Variants in PKD1L1 observed in about 807,000 individuals in gnomAD.
The protein encoded by PKD1L1 is polycystin-1-like protein 1.
A neutral mutation model predicts 323.4 loss-of-function variants in PKD1L1; 236 were observed. The observed-to-expected ratio is 0.73, with a 90% CI of 0.66 to 0.81. PKD1L1 has a LOEUF of 0.81. PKD1L1 is among the 40% of genes least tolerant of loss of function. The pLI is 0.00. For missense variants in PKD1L1, 3,320 were observed against 3,508.0 expected (o/e 0.95, Z 1.35); for synonymous variants, 1,344 against 1,335.0 (o/e 1.01, Z -0.15).
chr7:47,939,268 T>C (rs938663877), intron 3 of PKD1L1, among the ~76,000 whole-genome samples: 3 of 152,164 alleles, frequency 2.0e-5, no homozygotes, highest in African/African-American at 4.8e-5. Context: ...TAAACTCAGA[T>C]GGATGTGCTA....
At position 47,863,722 on chromosome 7, in the gene PKD1L1, T is replaced by A. The variant is rs967668090; in HGVS notation, c.4149+1494A>T. ...GATGGAGATGGAAGCCAAAGTTTGA[T>A]GGTCTAAAATGCACGAGAAGCCAGG... is the stretch of plus-strand genomic sequence containing the variant. On this transcript the variant is annotated intron_variant, in intron 26 of 56. Coordinates refer to ENST00000289672, the MANE Select transcript of PKD1L1 (RefSeq NM_138295.5). Among the ~76,000 whole-genome samples, 2 of 151,708 alleles carry A rather than the reference T, an allele frequency of 1.3e-5. 1 individual carries two copies. Among genetic ancestry groups the A allele is most frequent in the South Asian group, 4.2e-4 (2 of 4,802 alleles).
chr7:47,791,186 G>A (rs372198027), intron 56 of PKD1L1, among the ~76,000 whole-genome samples: 14 of 151,790 alleles, frequency 9.2e-5, no homozygotes, highest in African/African-American at 3.4e-4. Flanking sequence ...CTTTTTTAGG[G>A]GAGACACTAA....
At chr7:47,782,685 T>C (rs2128721639) in intron 56 of PKD1L1, among the ~76,000 whole-genome samples, 1 of 152,334 alleles carries the variant, frequency 6.6e-6, no homozygotes, top group Non-Finnish European at 1.5e-5. Context: ...ACTTGGACCC[T>C]CTGTCTTCCC....
chr7:47,810,800 A>G (rs1290010312), intron 50 of PKD1L1, among the ~76,000 whole-genome samples: 2 of 152,230 alleles, frequency 1.3e-5, no homozygotes, highest in African/African-American at 4.8e-5. Flanking sequence ...ATGTGGACAT[A>G]TTCCATCTCA....
intron 56 of PKD1L1, among the ~76,000 whole-genome samples, chr7:47,792,221 T>C (rs1786966107): frequency 6.6e-6 from 1 of 152,210 alleles, no homozygotes; most frequent in Admixed American, 6.5e-5. Flanking sequence ...CTCTTGGAAA[T>C]GGTAGCATCC....
chr7:47,827,288 G>A lies in PKD1L1; in HGVS notation c.6854+62C>T, dbSNP rs147448407. 2,194 of 1,375,596 alleles carry A rather than the reference G, an allele frequency of 1.6e-3. 36 individuals carry two copies. In the African/African-American group the frequency reaches 0.028, roughly 18 times the overall value. The allele number at this position is 1,375,596 out of a possible 1,614,324, so 85.2% of individuals were successfully genotyped here. ...TCCCAGGAGGACCAGCGGCAGTGGGGTACTCCCTCCGAGAAGGGAGCTGGA... is the reference window on the plus strand; with the variant it reads ...TCCCAGGAGGACCAGCGGCAGTGGGATACTCCCTCCGAGAAGGGAGCTGGA... On this transcript the variant is annotated intron_variant, in intron 45 of 56. Transcript: ENST00000289672.
At chr7:47,823,114 A>G (rs1235667347) in intron 45 of PKD1L1, among the ~76,000 whole-genome samples, 1 of 152,148 alleles carries the variant, frequency 6.6e-6, no homozygotes, top group East Asian at 1.9e-4. Context: ...AATAGGTGTG[A>G]TCGGAGAGGA....
chr7:47,812,261 C>A (rs901306447), intron 49 of PKD1L1, among the ~76,000 whole-genome samples: 1 of 152,110 alleles, frequency 6.6e-6, no homozygotes, highest in South Asian at 2.1e-4. Context: ...CTTGCCCCAC[C>A]CTCTTCCCTG....
At chr7:47,783,952 C>A (rs150729485) in intron 56 of PKD1L1, among the ~76,000 whole-genome samples, 1 of 152,166 alleles carries the variant, frequency 6.6e-6, no homozygotes, top group South Asian at 2.1e-4. Flanking sequence ...CTTGAGAATT[C>A]AACTTTCTTG....
At chr7:47,887,356 C>T (rs1442539527) in intron 17 of PKD1L1, among the ~76,000 whole-genome samples, 2 of 152,224 alleles carry the variant, frequency 1.3e-5, no homozygotes, top group Non-Finnish European at 2.9e-5. Flanking sequence ...TCAGAGCCAC[C>T]TCTCTGATCA....
intron 56 of PKD1L1, among the ~76,000 whole-genome samples, chr7:47,785,810 C>T (rs907616279): frequency 1.3e-4 from 19 of 150,738 alleles, no homozygotes; most frequent in African/African-American, 3.4e-4. Flanking sequence ...GGTGCAATCT[C>T]GGCTCACTGC....
rs1787879675 is a variant in PKD1L1, at chr7:47,936,964, AG to A, written c.286-7del. The stretch of plus-strand genomic sequence containing the variant: ...CTAGTTGTTTTCCAAATGTTCTGTA[AG>A]AAAAAATAATAAAATAATGTGAGAG... On this transcript the variant is annotated splice_polypyrimidine_tract_variant and splice_region_variant and intron_variant, in intron 3 of 56. Transcript: ENST00000289672. The A allele has an allele frequency of 6.3e-7, 1 of 1,591,934 alleles. No homozygotes were observed. Among genetic ancestry groups the A allele is most frequent in the South Asian group, 1.1e-5 (1 of 87,966 alleles).
At chr7:47,791,019 G>C (rs1786932654) in intron 56 of PKD1L1, among the ~76,000 whole-genome samples, 2 of 152,148 alleles carry the variant, frequency 1.3e-5, no homozygotes, top group African/African-American at 4.8e-5. Context: ...ATAGGCATGA[G>C]CCACTACACC....
intron 8 of PKD1L1, among the ~76,000 whole-genome samples, chr7:47,914,871 C>G (rs1042764389): frequency 2.6e-5 from 4 of 152,156 alleles, no homozygotes; most frequent in Admixed American, 2.6e-4. Context: ...GGAGCCAGCC[C>G]ACACTCACCA....
chr7:47,795,818 C>T (rs79768897), intron 55 of PKD1L1, among the ~76,000 whole-genome samples, 171 bp downstream of exon 55: 727 of 152,232 alleles, frequency 4.8e-3, no homozygotes, highest in African/African-American at 0.013. Flanking sequence ...TAGAATTGCA[C>T]GGGAAAATTC....
rs200790142 is a variant in PKD1L1 at position 47,836,913 on chromosome 7, G to A, written c.5943+8C>T. Reference sequence around the variant, plus strand: ...GAAGCTGCTATAAGGAAAAGCGATGGCTCTCACCTGCTCTTGCCCTCCAGC... The same window carrying A: ...GAAGCTGCTATAAGGAAAAGCGATGACTCTCACCTGCTCTTGCCCTCCAGC... On this transcript the variant is annotated splice_region_variant and intron_variant, in intron 37 of 56. Transcript: ENST00000289672. 87 of 1,612,302 alleles carry A rather than the reference G, an allele frequency of 5.4e-5. 1 individual carries two copies. The African/African-American group carries it at 7.5e-4, about 14-fold the overall frequency.
At chr7:47,817,098 G>A (rs1026609848) in intron 46 of PKD1L1, among the ~76,000 whole-genome samples, 3 of 152,126 alleles carry the variant, frequency 2.0e-5, no homozygotes, top group Non-Finnish European at 4.4e-5. Flanking sequence ...TTAGCTGGGC[G>A]TGATGGTACG....
At position 47,929,024 on chromosome 7, in the gene PKD1L1, A is replaced by G. The variant is rs1485832575; in HGVS notation, c.1060+180T>C. Among the ~76,000 whole-genome samples, 4 of 152,330 alleles carry G rather than the reference A, an allele frequency of 2.6e-5. No individual in the cohort carries two copies. The East Asian group carries it at 7.7e-4, about 29-fold the overall frequency. On this transcript the variant is annotated intron_variant, in intron 7 of 56. Transcript: ENST00000289672. ...TAGAGTTGGTCACAGTGCAAAACAC[A>G]GTGCACAAACCCACCTACGTCCGCA... is the stretch of plus-strand genomic sequence containing the variant.
intron 4 of PKD1L1, among the ~76,000 whole-genome samples, chr7:47,935,104 A>G (rs1787843483): frequency 6.6e-6 from 1 of 152,230 alleles, no homozygotes; most frequent in African/African-American, 2.4e-5. Context: ...GGCGGCACCC[A>G]GGGAGTGCTG....
Sources: gnomAD v4.1 joint callset for allele counts (sites outside exome capture counted in the v4.1 genomes callset) on GRCh38, gnomAD v4.1.1 for gene constraint, MANE v1.5 for transcripts, NCBI Gene and HGNC (gene_info 2026-07-23, HGNC 2026-07-21) for gene names.